MYPN: variants seen among roughly 807,000 people sequenced by gnomAD.
MYPN encodes myopalladin.
A neutral mutation model predicts 129.4 loss-of-function variants in MYPN; 63 were observed. The ratio of observed to expected loss-of-function variants is 0.49; its 90% CI spans 0.40 to 0.60. The LOEUF is 0.60. Among genes scored for constraint, MYPN ranks in the 20% least tolerant of loss-of-function variants. The pLI is 0.00. For synonymous variants in MYPN, 629 were observed against 600.9 expected (o/e 1.05, Z -0.68); for missense variants, 1,596 against 1,635.4 (o/e 0.98, Z 0.42).
chr10:68,124,178 T>C (rs547924916), intron 2 of MYPN, among the ~76,000 whole-genome samples: 1 of 152,306 alleles, frequency 6.6e-6, no homozygotes, highest in Admixed American at 6.5e-5. Flanking sequence ...ATTTATGAGC[T>C]TCAGGTCCCA....
intron 12 of MYPN, among the ~76,000 whole-genome samples, chr10:68,178,404 T>C (rs2043261346): frequency 1.3e-5 from 2 of 152,190 alleles, no homozygotes; most frequent in South Asian, 2.1e-4. Context: ...GAATGGTGAA[T>C]CTGAAAAGTC....
At chr10:68,130,482 A>C (rs1218773233) in intron 2 of MYPN, among the ~76,000 whole-genome samples, 1 of 151,978 alleles carries the variant, frequency 6.6e-6, no homozygotes, top group Non-Finnish European at 1.5e-5. Context: ...AAAAAAAAAA[A>C]ACAGCAATAT....
chr10:68,163,774 G>C (rs1564673410), intron 8 of MYPN, among the ~76,000 whole-genome samples: 1 of 152,190 alleles, frequency 6.6e-6, no homozygotes, highest in Non-Finnish European at 1.5e-5. Flanking sequence ...AGGATCTAGT[G>C]CTACGTGACT....
At chr10:68,126,557 C>T (rs1589533586) in intron 2 of MYPN, among the ~76,000 whole-genome samples, 1 of 152,082 alleles carries the variant, frequency 6.6e-6, no homozygotes, top group Non-Finnish European at 1.5e-5. Flanking sequence ...TGGTCGGACT[C>T]GGGTAGGTGT....
chr10:68,169,689 C>T (rs1432887906), intron 10 of MYPN, among the ~76,000 whole-genome samples: 1 of 152,066 alleles, frequency 6.6e-6, no homozygotes, highest in African/African-American at 2.4e-5. Flanking sequence ...GGTCAAGTCA[C>T]CACATCTACA....
intron 2 of MYPN, chr10:68,136,228 T>A: frequency 1.0e-6 from 1 of 986,284 alleles, no homozygotes; most frequent in African/African-American, 1.7e-5. Context: ...GCTAGCCAAA[T>A]GAGCAGATCT....
chr10:68,181,448 C>T (rs2043311662), intron 12 of MYPN, among the ~76,000 whole-genome samples: 1 of 152,000 alleles, frequency 6.6e-6, no homozygotes, highest in African/African-American at 2.4e-5. Context: ...CGCCACCATG[C>T]CTGGCTAACT....
chr10:68,146,574 G>A (rs964184418), intron 4 of MYPN, among the ~76,000 whole-genome samples: 2 of 152,196 alleles, frequency 1.3e-5, no homozygotes, highest in Non-Finnish European at 2.9e-5. Flanking sequence ...AATTAACTGT[G>A]ACTTAAATGA....
intron 2 of MYPN, among the ~76,000 whole-genome samples, chr10:68,131,186 C>T (rs12764658): frequency 0.28 from 43,227 of 151,874 alleles, 6,536 homozygotes; most frequent in East Asian, 0.44. Context: ...GTCAGGAGTT[C>T]GAGACCAGCC....
chr10:68,123,775 C>G (rs2042286797), intron 2 of MYPN, among the ~76,000 whole-genome samples: 1 of 151,796 alleles, frequency 6.6e-6, no homozygotes, highest in Non-Finnish European at 1.5e-5. Context: ...TTTCAAGTGC[C>G]CAGTAACTGC....
At chr10:68,105,782 A>G (rs1164719429), upstream of MYPN, among the ~76,000 whole-genome samples, 2 of 147,824 alleles carry the variant, frequency 1.4e-5, no homozygotes, top group African/African-American at 5.4e-5. Context: ...GTACCAGATA[A>G]AGATATTTAT....
At position 68,166,398 on chromosome 10, in the gene MYPN, T is replaced by C; in HGVS notation, c.1705T>C (p.Ser569Pro). The change falls in exon 10 of 20, where the codon TCT becomes CCT. Residue 569 changes from serine to proline, a missense_variant. Coordinates refer to ENST00000358913, the MANE Select transcript of MYPN (RefSeq NM_032578.4). ...QPSPPHSEPP[S>P]VEQPPKPKLE... Reference sequence around the variant, plus strand: ...CTCCCCACCCCACTCAGAGCCTCCATCTGTGGAACAACCCCCCAAACCCAA... The same window carrying C: ...CTCCCCACCCCACTCAGAGCCTCCACCTGTGGAACAACCCCCCAAACCCAA... The C allele has an allele frequency of 1.2e-6, 2 of 1,614,020 alleles. No individual in the cohort carries two copies. The highest frequency in any genetic ancestry group is 2.2e-5 in the South Asian group (2 of 91,060).
At chr10:68,159,773 T>C (rs891862603) in intron 7 of MYPN, among the ~76,000 whole-genome samples, 1 of 152,238 alleles carries the variant, frequency 6.6e-6, no homozygotes, top group Non-Finnish European at 1.5e-5. Context: ...GTCAATTGTT[T>C]TACTTCCTTT....
Position 68,175,451 on chromosome 10 carries a change from C to A in MYPN, c.2693C>A (p.Pro898Gln), listed in dbSNP as rs771428473. ...AAAATAACTTTCAGTGATGTCAGAC[C>A]AAACCAGCAGGTAAGATTGTTGGAT... ...GKKITFSDVR[P>Q]NQQEYKISSF... Residue 898 changes from proline to glutamine, a missense_variant, in exon 12 of 20, where the codon CCA (proline) becomes CAA (glutamine). By Grantham distance (76) the Pro-to-Gln change is moderately conservative. Coordinates refer to ENST00000358913, the MANE Select transcript of MYPN (RefSeq NM_032578.4). 6 of 1,613,890 alleles carry A rather than the reference C, an allele frequency of 3.7e-6. No homozygotes were observed. The highest frequency in any genetic ancestry group is 1.3e-5 in the African/African-American group (1 of 74,922).
In MYPN at chr10:68,166,409, AC is replaced by A. The variant is rs2134168183; in HGVS notation, c.1722del (p.Lys575AsnfsTer9). On this transcript the variant is annotated frameshift_variant, in exon 10 of 20. Transcript: ENST00000358913. LOFTEE classifies it high-confidence loss of function. ...ACTCAGAGCCTCCATCTGTGGAACA[AC>A]CCCCCAAACCCAAACTCGAGGGGGT... ...PHSEPPSVEQ[P>X]PKPKLEGVLV... is the part of the protein sequence containing the mutation. 6.2e-7 allele frequency: 1 copy of A among 1,613,654 alleles called. No individual in the cohort carries two copies. The highest frequency in any genetic ancestry group is 1.1e-5 in the South Asian group (1 of 91,040).
upstream of MYPN, among the ~76,000 whole-genome samples, chr10:68,102,505 G>A (rs1411205990): frequency 6.6e-6 from 1 of 152,118 alleles, no homozygotes; most frequent in African/African-American, 2.4e-5. Context: ...AACCATTTGA[G>A]ACCTATGTGA....
rs16925108 is a variant in MYPN, at chr10:68,126,128, A to G, written c.902+3788A>G. ...GCTCCCGAGGCAAGTGTTATCAGGG[A>G]ACCATAAGTACTCATCTATGTCAAG... On this transcript the variant is annotated intron_variant, in intron 2 of 19. Transcript: ENST00000358913. Among the ~76,000 whole-genome samples the G allele has an allele frequency of 5.5e-3, 836 of 152,310 alleles. 39 individuals are homozygous for G. The highest frequency in any genetic ancestry group is 0.052 in the Admixed American group (794 of 15,288).
In MYPN at chr10:68,174,657, G is replaced by A; in HGVS notation, c.2564+1G>A. Reference sequence around the variant, plus strand: ...GGCTGCCTAGAAGTGCACCATCCATGTAAGTGTCATTGAGGTTTCTTGATG... The same window carrying A: ...GGCTGCCTAGAAGTGCACCATCCATATAAGTGTCATTGAGGTTTCTTGATG... On this transcript the variant is annotated splice_donor_variant, in intron 11 of 19. Coordinates refer to ENST00000358913, the MANE Select transcript of MYPN (RefSeq NM_032578.4). LOFTEE classifies it high-confidence loss of function. 1 of 1,613,696 alleles carries A rather than the reference G, an allele frequency of 6.2e-7. No homozygotes were observed. The highest frequency in any genetic ancestry group is 1.1e-5 in the South Asian group (1 of 91,072).
At chr10:68,136,317 C>T (rs1249143256) in intron 2 of MYPN, 2 of 966,198 alleles carry the variant, frequency 2.1e-6, no homozygotes, top group Admixed American at 5.8e-5. Context: ...CAATCATTGA[C>T]TCATTTCTAT....
Sources: gnomAD v4.1 joint callset for allele counts (sites outside exome capture counted in the v4.1 genomes callset) on GRCh38, gnomAD v4.1.1 for gene constraint, MANE v1.5 for transcripts, NCBI Gene and HGNC (gene_info 2026-07-23, HGNC 2026-07-21) for gene names.